Variants in ARB2A observed in about 807,000 individuals in gnomAD.
ARB2A encodes the protein cotranscriptional regulator ARB2A.
the ARB2A span, among the ~76,000 whole-genome samples, chr5:93,914,897 A>G: frequency 3.3e-4 from 50 of 151,916 alleles, no homozygotes; most frequent in African/African-American, 1.2e-3. Flanking sequence ...CAGGGTCATC[A>G]TTACCGAACA....
the ARB2A span, among the ~76,000 whole-genome samples, chr5:93,806,303 A>G: frequency 4.6e-5 from 7 of 151,824 alleles, no homozygotes; most frequent in Non-Finnish European, 7.4e-5. Flanking sequence ...TTCTCCCTAA[A>G]CTACCAAACA....
At chr5:93,922,446 A>G in the ARB2A span, among the ~76,000 whole-genome samples, 1 of 151,564 alleles carries the variant, frequency 6.6e-6, no homozygotes, top group Non-Finnish European at 1.5e-5. Context: ...AGGCAGGCAG[A>G]TCACTTGAGG....
the ARB2A span, among the ~76,000 whole-genome samples, chr5:93,968,249 A>G: frequency 6.6e-6 from 1 of 152,178 alleles, no homozygotes; most frequent in African/African-American, 2.4e-5. Context: ...AGACTCAGAT[A>G]TAGCAGAGAT....
the ARB2A span, among the ~76,000 whole-genome samples, chr5:93,686,841 A>G: frequency 2.0e-5 from 3 of 151,864 alleles, no homozygotes; most frequent in Admixed American, 2.0e-4. Context: ...AAATGTTATC[A>G]TTTAAAAGTT....
the ARB2A span, among the ~76,000 whole-genome samples, chr5:94,044,057 G>T: frequency 6.6e-6 from 1 of 152,122 alleles, no homozygotes; most frequent in Non-Finnish European, 1.5e-5. Context: ...GGCTAACCCT[G>T]CTTATTCCTG....
At chr5:93,908,095 G>T in the ARB2A span, among the ~76,000 whole-genome samples, 3 of 150,928 alleles carry the variant, frequency 2.0e-5, no homozygotes, top group Non-Finnish European at 4.5e-5. Context: ...CACTTATGTG[G>T]ATTCTAAAAG....
chr5:93,622,796 T>G, the ARB2A span, among the ~76,000 whole-genome samples: 1 of 152,238 alleles, frequency 6.6e-6, no homozygotes, highest in Non-Finnish European at 1.5e-5. Context: ...AGGTTTATCT[T>G]GTTAAATCCT....
At chr5:93,728,934 G>T in the ARB2A span, among the ~76,000 whole-genome samples, 1 of 151,972 alleles carries the variant, frequency 6.6e-6, no homozygotes, top group Non-Finnish European at 1.5e-5. Flanking sequence ...ATGCATTTTG[G>T]AAGGCTCAAG....
At chr5:94,074,739 A>G in the ARB2A span, 1 of 1,612,030 alleles carries the variant, frequency 6.2e-7, no homozygotes, top group South Asian at 1.1e-5. Context: ...AAAGAGCTCA[A>G]GGAAATAGAC....
the ARB2A span, among the ~76,000 whole-genome samples, chr5:93,950,597 T>C: frequency 6.6e-6 from 1 of 151,082 alleles, no homozygotes; most frequent in Admixed American, 6.6e-5. Flanking sequence ...GAGCTGAGCT[T>C]GTGCCACTGC....
the ARB2A span, among the ~76,000 whole-genome samples, chr5:93,906,379 C>T: frequency 2.6e-5 from 4 of 151,276 alleles, no homozygotes; most frequent in African/African-American, 7.3e-5. Context: ...TTTAAACTTT[C>T]ATCTTGGCCA....
the ARB2A span, among the ~76,000 whole-genome samples, chr5:93,654,071 A>G: frequency 1.4e-4 from 21 of 152,370 alleles, no homozygotes; most frequent in African/African-American, 5.0e-4. Context: ...TGAAGATACA[A>G]AAATGAATGA....
the ARB2A span, among the ~76,000 whole-genome samples, chr5:93,914,173 G>C: frequency 1.3e-5 from 2 of 151,890 alleles, no homozygotes; most frequent in African/African-American, 2.4e-5. Context: ...TGATCAAGGA[G>C]GGTTTGGGAA....
chr5:93,990,631 A>AG, the ARB2A span, among the ~76,000 whole-genome samples: 1 of 150,902 alleles, frequency 6.6e-6, no homozygotes, highest in Non-Finnish European at 1.5e-5. Flanking sequence ...AAAAAAAAAA[A>AG]AAAAAAAAAA....
At chr5:93,740,768 T>G in the ARB2A span, 2 of 1,612,294 alleles carry the variant, frequency 1.2e-6, no homozygotes, top group Non-Finnish European at 1.7e-6. Flanking sequence ...GTTGGTCGAC[T>G]GCCCATCTTG....
the ARB2A span, among the ~76,000 whole-genome samples, chr5:93,941,761 G>A: frequency 6.6e-6 from 1 of 152,164 alleles, no homozygotes; most frequent in Non-Finnish European, 1.5e-5. Context: ...TAGGTTAGCT[G>A]TGACAATTAT....
chr5:93,958,703 G>GA, the ARB2A span: 1 of 1,072,660 alleles, frequency 9.3e-7, no homozygotes, highest in Non-Finnish European at 1.3e-6. Flanking sequence ...TATACTTTTT[G>GA]AAGAAACATA....
At chr5:93,759,223 C>A in the ARB2A span, among the ~76,000 whole-genome samples, 1 of 152,028 alleles carries the variant, frequency 6.6e-6, no homozygotes, top group East Asian at 1.9e-4. Flanking sequence ...CTGAACAGAC[C>A]AATAACAAGC....
chr5:94,064,072 G>A, the ARB2A span, among the ~76,000 whole-genome samples: 1 of 151,540 alleles, frequency 6.6e-6, no homozygotes, highest in Non-Finnish European at 1.5e-5. Context: ...AGATACAAGG[G>A]AATACAAAAA....
Sources: gnomAD v4.1 joint callset for allele counts (sites outside exome capture counted in the v4.1 genomes callset) on GRCh38, gnomAD v4.1.1 for gene constraint, MANE v1.5 for transcripts, NCBI Gene and HGNC (gene_info 2026-07-23, HGNC 2026-07-21) for gene names.